ACOT12: variants seen among roughly 807,000 people sequenced by gnomAD.
ACOT12 encodes the protein acetyl-coenzyme A thioesterase.
In ACOT12, 51 loss-of-function variants were observed where a neutral mutation model predicts 67.7. The ratio of observed to expected loss-of-function variants is 0.75; its 90% confidence interval spans 0.60 to 0.95. The LOEUF (loss-of-function observed/expected upper bound fraction) is 0.95, where lower values mean the gene tolerates loss of function less well. Ranked by LOEUF, ACOT12 falls within the 40% of genes least tolerant of loss-of-function variation. The probability of loss-of-function intolerance (pLI) is 0.00; values close to 1 mark genes in which losing one functional copy is unlikely to be tolerated. For synonymous variants in ACOT12, 251 were observed against 244.6 expected (o/e 1.03, Z -0.24); for missense variants, 734 against 708.1 (o/e 1.04, Z -0.41).
chr5:81,324,301 T>C, the ACOT12 span, among the ~76,000 whole-genome samples: 1 of 151,974 alleles, frequency 6.6e-6, no homozygotes, highest in African/African-American at 2.4e-5. Flanking sequence ...GCTTTAGTGG[T>C]AAAGTTGATA....
At chr5:81,341,038 C>T (rs772356072) in intron 11 of ACOT12, among the ~76,000 whole-genome samples, 9 of 152,194 alleles carry the variant, frequency 5.9e-5, no homozygotes, top group Non-Finnish European at 8.8e-5. Flanking sequence ...ATATATTCTA[C>T]GACTTCACTA....
At chr5:81,343,708 C>T in intron 10 of ACOT12, 110 bp downstream of exon 10, 7 of 1,031,404 alleles carry the variant, frequency 6.8e-6, no homozygotes, top group Non-Finnish European at 1.0e-5. Context: ...ATATAATCCA[C>T]CTTTTCACAT....
rs150883619 is a variant in ACOT12, at chr5:81,360,992, C to T, written c.361-954G>A. Among the ~76,000 whole-genome samples the T allele has an allele frequency of 6.7e-3, 995 of 147,792 alleles. 8 individuals are homozygous for T. The highest frequency in any genetic ancestry group is 0.024 in the African/African-American group (957 of 40,234). ...ACTTAGGAGGCTGAGGCACAAGAAT[C>T]GCTTGAACCCAGGAGAAGGAGGTTG... On this transcript the variant is annotated intron_variant, in intron 4 of 14. Coordinates refer to ENST00000307624, the MANE Select transcript of ACOT12 (RefSeq NM_130767.3).
At chr5:81,309,631 C>T in the ACOT12 span, among the ~76,000 whole-genome samples, 1 of 152,104 alleles carries the variant, frequency 6.6e-6, no homozygotes, top group East Asian at 1.9e-4. Flanking sequence ...GTGTCATGTC[C>T]TGGGTTTCCC....
At chr5:81,313,439 A>G in the ACOT12 span, 3 of 152,236 alleles carry the variant, frequency 2.0e-5, no homozygotes, top group African/African-American at 7.2e-5. Context: ...CAGATAACAG[A>G]TGGTATAATA....
chr5:81,352,941 C>CT (rs1390950744), intron 5 of ACOT12, among the ~76,000 whole-genome samples: 1 of 152,130 alleles, frequency 6.6e-6, no homozygotes, highest in Non-Finnish European at 1.5e-5. Context: ...GGCAGACTTA[C>CT]TTTTTAACTA....
chr5:81,368,849 C>A (rs1385038647), intron 3 of ACOT12, among the ~76,000 whole-genome samples: 5 of 150,826 alleles, frequency 3.3e-5, no homozygotes, highest in African/African-American at 1.2e-4. Context: ...ATAAATTAGA[C>A]ACAAAAATTA....
chr5:81,370,508 C>T (rs989861383), intron 3 of ACOT12, among the ~76,000 whole-genome samples: 7 of 152,076 alleles, frequency 4.6e-5, no homozygotes, highest in South Asian at 2.1e-4. Context: ...CCAATATGAC[C>T]GATATCTTTA....
At chr5:81,315,885 C>G in the ACOT12 span, among the ~76,000 whole-genome samples, 2 of 152,186 alleles carry the variant, frequency 1.3e-5, no homozygotes, top group Non-Finnish European at 2.9e-5. Flanking sequence ...TTATGTTTTT[C>G]TGTGTCATTT....
At position 81,335,747 on chromosome 5, in the gene ACOT12, A is replaced by C. The variant is rs201217225; in HGVS notation, c.1262+21T>G. Reference sequence around the variant, plus strand: ...CATTATGTCAAGGTTGATTGAGAAAAATTTTTAAATTTGTTCTTACACAAA... The same window carrying C: ...CATTATGTCAAGGTTGATTGAGAAACATTTTTAAATTTGTTCTTACACAAA... On this transcript the variant is annotated intron_variant, in intron 12 of 14. Transcript: ENST00000307624. The C allele has an allele frequency of 6.2e-6, 10 of 1,601,514 alleles. No individual in the cohort carries two copies. The East Asian group carries it at 1.6e-4, about 25-fold the overall frequency.
intron 2 of ACOT12, among the ~76,000 whole-genome samples, chr5:81,380,793 T>C (rs563411298): frequency 4.5e-4 from 69 of 152,282 alleles, no homozygotes; most frequent in African/African-American, 1.6e-3. Context: ...CTTACAGTTA[T>C]GCCTAGTTTA....
intron 2 of ACOT12, among the ~76,000 whole-genome samples, chr5:81,372,540 C>A (rs1394396194): frequency 6.6e-6 from 1 of 152,162 alleles, no homozygotes; most frequent in East Asian, 1.9e-4. Flanking sequence ...TGGTCCCATC[C>A]TCCAGTGGCC....
chr5:81,317,642 G>A, the ACOT12 span, among the ~76,000 whole-genome samples: 2 of 152,160 alleles, frequency 1.3e-5, no homozygotes, highest in Non-Finnish European at 2.9e-5. Flanking sequence ...GGTGGAGCAG[G>A]AGAGATAGAG....
chr5:81,391,268 T>G lies in ACOT12; in HGVS notation c.127+2720A>C, dbSNP rs75959836. Among the ~76,000 whole-genome samples, 367 of 152,356 alleles carry G rather than the reference T, an allele frequency of 2.4e-3. 1 individual carries two copies. The highest frequency in any genetic ancestry group is 8.6e-3 in the African/African-American group (359 of 41,578). ...CCTTTTGTATTTCATTCAGTAGCTG[T>G]GCTTTTCCCAAACCCTGTCTTTGGG... On this transcript the variant is annotated intron_variant, in intron 1 of 14. Coordinates refer to ENST00000307624, the MANE Select transcript of ACOT12 (RefSeq NM_130767.3).
At chr5:81,377,108 G>A (rs1446882262) in intron 2 of ACOT12, among the ~76,000 whole-genome samples, 5 of 152,100 alleles carry the variant, frequency 3.3e-5, no homozygotes, top group Non-Finnish European at 7.4e-5. Flanking sequence ...CTGGCAAACC[G>A]AATCCAGCAG....
chr5:81,342,866 C>A, intron 10 of ACOT12, 111 bp from the exon 11 acceptor site: 1 of 1,092,462 alleles, frequency 9.2e-7, no homozygotes. Context: ...GTGTTGAGTC[C>A]TAGTGATAAT....
At chr5:81,380,018 A>AT (rs1451990085) in intron 2 of ACOT12, among the ~76,000 whole-genome samples, 3 of 152,182 alleles carry the variant, frequency 2.0e-5, no homozygotes, top group African/African-American at 7.2e-5. Context: ...AATCTGTAGC[A>AT]TTTTTTGGCA....
chr5:81,309,077 C>A, the ACOT12 span: 1 of 1,455,174 alleles, frequency 6.9e-7, no homozygotes, highest in Non-Finnish European at 9.4e-7. Context: ...AATGGTGAGT[C>A]ATCGTGCAGT....
At chr5:81,331,755 T>G (rs557920618) in intron 13 of ACOT12, among the ~76,000 whole-genome samples, 134 of 152,328 alleles carry the variant, frequency 8.8e-4, no homozygotes, top group African/African-American at 3.1e-3. Flanking sequence ...ACACAAAATT[T>G]TTTACATAAA....
Sources: gnomAD v4.1 joint callset for allele counts (sites outside exome capture counted in the v4.1 genomes callset) on GRCh38, gnomAD v4.1.1 for gene constraint, MANE v1.5 for transcripts, NCBI Gene and HGNC (gene_info 2026-07-23, HGNC 2026-07-21) for gene names.